CWH43: variants seen among roughly 807,000 people sequenced by gnomAD.
The protein encoded by CWH43 is PGAP2-interacting protein.
Under a neutral mutation model 85.7 loss-of-function variants are expected in CWH43, and 91 were observed. The observed-to-expected ratio is 1.06, with a 90% CI of 0.90 to 1.26. The LOEUF is 1.26. Ranked by LOEUF, CWH43 falls within the 50% of genes most tolerant of loss-of-function variation. CWH43 has a pLI of 0.00. For missense variants in CWH43, 869 were observed against 839.2 expected, an observed-to-expected ratio of 1.04 and a Z score of -0.44; for synonymous variants, 323 against 293.6, an observed-to-expected ratio of 1.10 and a Z score of -1.02.
chr4:49,030,055 T>C (rs568570481), intron 10 of CWH43, among the ~76,000 whole-genome samples: 1 of 152,192 alleles, frequency 6.6e-6, no homozygotes, highest in Non-Finnish European at 1.5e-5. Context: ...TCATCCCACC[T>C]GACAAGAAAT....
In CWH43 at chr4:49,008,318, C is replaced by T. The variant is rs565573614; in HGVS notation, c.1186+992C>T. On this transcript the variant is annotated intron_variant, in intron 8 of 15. Coordinates refer to ENST00000226432, the MANE Select transcript of CWH43 (RefSeq NM_025087.3). Reference sequence around the variant, plus strand: ...TCCTTTGCCCACTCTTTGATGGAGTCGTTTGTTTTTTTTTTCTTGTAAATT... The same window carrying T: ...TCCTTTGCCCACTCTTTGATGGAGTTGTTTGTTTTTTTTTTCTTGTAAATT... 1.3e-4 allele frequency among the ~76,000 whole-genome samples: 19 copies of T among 151,138 alleles called. No individual in the cohort carries two copies. The South Asian group carries it at 3.8e-3, about 30-fold the overall frequency.
chr4:49,018,683 T>A (rs1467057633), intron 9 of CWH43, among the ~76,000 whole-genome samples: 4 of 152,238 alleles, frequency 2.6e-5, no homozygotes, highest in Non-Finnish European at 5.9e-5. Flanking sequence ...GTGTGTTTCA[T>A]AATGCAGTCA....
chr4:49,054,089 A>C (rs959711894), intron 15 of CWH43, among the ~76,000 whole-genome samples: 2 of 152,128 alleles, frequency 1.3e-5, no homozygotes, highest in Non-Finnish European at 2.9e-5. Flanking sequence ...ATCATTGCCC[A>C]GACCAATGTT....
intron 1 of CWH43, 113 bp downstream of exon 1, chr4:48,986,585 C>T (rs377334953): frequency 1.3e-6 from 2 of 1,519,640 alleles, no homozygotes; most frequent in Non-Finnish European, 1.8e-6. Flanking sequence ...AAGGGCGCTC[C>T]GTGCCCAGAG....
rs142973468 is a variant in CWH43, at chr4:49,005,391, A to G, written c.1060+1399A>G. On this transcript the variant is annotated intron_variant, in intron 7 of 15. Coordinates refer to ENST00000226432, the MANE Select transcript of CWH43 (RefSeq NM_025087.3). ...ACTCTTCTGGTCTACTTTATCTACC[A>G]CTCCCAGCTGCTGAAATATTAAAAA... 4.4e-3 allele frequency among the ~76,000 whole-genome samples: 666 copies of G among 151,460 alleles called. 2 individuals carry two copies. Among genetic ancestry groups the G allele is most frequent in the Middle Eastern group, 0.01 (3 of 294 alleles).
At chr4:48,996,137 G>A (rs555864675) in intron 5 of CWH43, among the ~76,000 whole-genome samples, 6 of 152,114 alleles carry the variant, frequency 3.9e-5, no homozygotes, top group Non-Finnish European at 7.3e-5. Context: ...GCCTGGGCTT[G>A]CTTTTCTGCC....
chr4:49,009,319 T>C (rs933951420), intron 8 of CWH43, among the ~76,000 whole-genome samples: 1 of 152,224 alleles, frequency 6.6e-6, no homozygotes, highest in Non-Finnish European at 1.5e-5. Flanking sequence ...TTTTGCACAC[T>C]GATTTTGTAT....
chr4:49,002,450 A>G (rs1003716211), intron 6 of CWH43, among the ~76,000 whole-genome samples: 3 of 152,208 alleles, frequency 2.0e-5, no homozygotes, highest in African/African-American at 7.2e-5. Flanking sequence ...AGTCTTTAAT[A>G]TGTGGTACAA....
chr4:49,047,197 G>C (rs1182078397), intron 14 of CWH43, among the ~76,000 whole-genome samples: 1 of 152,224 alleles, frequency 6.6e-6, no homozygotes, highest in East Asian at 1.9e-4. Context: ...TCCTCTCCCA[G>C]TGGGGATATG....
chr4:49,051,691 C>T (rs1046232471), intron 15 of CWH43, among the ~76,000 whole-genome samples: 1 of 152,126 alleles, frequency 6.6e-6, no homozygotes, highest in Non-Finnish European at 1.5e-5. Flanking sequence ...ATTCTCCTGT[C>T]TCAGCCTCCT....
rs368251501 is a variant in CWH43 at position 48,986,491 on chromosome 4, C to T, written c.43+19C>T. 179 of 1,552,142 alleles carry T rather than the reference C, an allele frequency of 1.2e-4. No homozygotes were observed. Among genetic ancestry groups the T allele is most frequent in the Admixed American group, 3.9e-5 (2 of 50,936 alleles). On this transcript the variant is annotated intron_variant, in intron 1 of 15. Transcript: ENST00000226432. ...CTGCTGGGTAAGCCGAAGCCCCTCG[C>T]CGCGAGTTCGCGGGTGCCAGCTCCC...
At chr4:49,038,385 G>A (rs1034494915) in intron 13 of CWH43, among the ~76,000 whole-genome samples, 1 of 152,100 alleles carries the variant, frequency 6.6e-6, no homozygotes, top group African/African-American at 2.4e-5. Flanking sequence ...GGCTCAATGG[G>A]GGTAGCTCAT....
At chr4:48,991,342 C>T (rs1227452204) in intron 2 of CWH43, 112 bp from the exon 3 acceptor site, 1 of 1,077,546 alleles carries the variant, frequency 9.3e-7, no homozygotes, top group Non-Finnish European at 1.3e-6. Flanking sequence ...TATACATCAA[C>T]TCTGTCTTCC....
intron 6 of CWH43, among the ~76,000 whole-genome samples, chr4:49,001,206 A>T (rs78349812): frequency 0.031 from 4,653 of 152,256 alleles, 116 homozygotes; most frequent in African/African-American, 0.073. Context: ...TTCTATTTTT[A>T]AAAAAAGTCT....
At chr4:49,000,717 C>T (rs1032059897) in intron 6 of CWH43, among the ~76,000 whole-genome samples, 7 of 152,180 alleles carry the variant, frequency 4.6e-5, no homozygotes, top group Admixed American at 4.6e-4. Context: ...AGTTAAAGAA[C>T]AGGAAAGCTG....
chr4:49,010,709 A>G (rs1490475471), intron 8 of CWH43, among the ~76,000 whole-genome samples: 2 of 152,080 alleles, frequency 1.3e-5, no homozygotes, highest in African/African-American at 4.8e-5. Flanking sequence ...GAACATCTTT[A>G]TTTCTGCCTT....
At chr4:49,045,631 A>C (rs73246068) in intron 14 of CWH43, among the ~76,000 whole-genome samples, 2 of 152,326 alleles carry the variant, frequency 1.3e-5, no homozygotes, top group Non-Finnish European at 2.9e-5. Flanking sequence ...TTAGGTGTGT[A>C]GTAGGCTATA....
intron 10 of CWH43, among the ~76,000 whole-genome samples, chr4:49,030,207 A>C (rs1189873215): frequency 6.6e-6 from 1 of 152,168 alleles, no homozygotes; most frequent in Non-Finnish European, 1.5e-5. Context: ...AGCATCTTTG[A>C]AATCTGAGAG....
intron 6 of CWH43, 71 bp downstream of exon 6, chr4:48,998,619 A>C: frequency 1.8e-6 from 2 of 1,094,138 alleles, no homozygotes; most frequent in Non-Finnish European, 1.4e-6. Context: ...AGCATGCGCA[A>C]CTCGACTGAA....
Sources: allele counts gnomAD v4.1 joint callset (sites outside exome capture counted in the v4.1 genomes callset), GRCh38; gene constraint gnomAD v4.1.1; transcripts MANE v1.5; gene names NCBI Gene and HGNC (gene_info 2026-07-23, HGNC 2026-07-21).